EZR: variants seen among roughly 807,000 people sequenced by gnomAD.
EZR encodes cytovillin 2.
A neutral mutation model predicts 74.8 loss-of-function variants in EZR; 40 were observed. The ratio of observed to expected loss-of-function variants is 0.53; its 90% CI spans 0.42 to 0.70. EZR has a LOEUF of 0.70. Ranked by LOEUF, EZR falls within the 30% of genes least tolerant of loss-of-function variation. The pLI, the probability that EZR is intolerant of heterozygous loss-of-function variation, is 0.00. For missense variants in EZR, 678 were observed against 755.8 expected, an observed-to-expected ratio of 0.90 and a Z score of 1.21; for synonymous variants, 341 against 283.3, an observed-to-expected ratio of 1.20 and a Z score of -2.05.
intron 2 of EZR, among the ~76,000 whole-genome samples, chr6:158,812,850 C>G (rs1204757551): frequency 6.6e-6 from 1 of 152,148 alleles, no homozygotes; most frequent in Admixed American, 6.5e-5. Context: ...ACCCTTGGCC[C>G]TGCATATCCA....
chr6:158,819,015 C>G (rs1362262138), intron 1 of EZR, among the ~76,000 whole-genome samples: 3 of 152,180 alleles, frequency 2.0e-5, no homozygotes, highest in South Asian at 4.1e-4. Context: ...AACCGTCAAG[C>G]CTTTGAGAAA....
intron 2 of EZR, among the ~76,000 whole-genome samples, chr6:158,795,770 AC>A (rs1291891797): frequency 1.2e-4 from 19 of 152,078 alleles, no homozygotes; most frequent in Non-Finnish European, 2.1e-4. Context: ...CTTTTCAAAC[AC>A]CCGCAGCCCA....
chr6:158,810,813 A>C lies in EZR; in HGVS notation c.12+7269T>G, dbSNP rs111679465. Among the ~76,000 whole-genome samples, 337 of 152,374 alleles carry C rather than the reference A, an allele frequency of 2.2e-3. 1 individual carries two copies. The highest frequency in any genetic ancestry group is 3.7e-3 in the South Asian group (18 of 4,832). ...AAAAGAAACACATAAAGCTTACAGC[A>C]TCTTAAGATGAGTTGTTTGGATTTC... On this transcript the variant is annotated intron_variant, in intron 2 of 13. Coordinates refer to ENST00000367075, the MANE Select transcript of EZR (RefSeq NM_001111077.2).
Position 158,784,765 on chromosome 6 carries a change from G to A in EZR, c.468-38C>T. On this transcript the variant is annotated intron_variant, in intron 5 of 13. Transcript: ENST00000367075. ...AGGAAACAGCACTGTCATCCTTAAGGAATGTGACAGGCAAGGAAGGAGGCC... is the reference window on the plus strand; with the variant it reads ...AGGAAACAGCACTGTCATCCTTAAGAAATGTGACAGGCAAGGAAGGAGGCC... The A allele has an allele frequency of 3.8e-6, 6 of 1,585,126 alleles. No individual in the cohort carries two copies. The South Asian group carries it at 6.6e-5, about 18-fold the overall frequency.
intron 2 of EZR, among the ~76,000 whole-genome samples, chr6:158,817,848 G>A (rs1404219872): frequency 6.6e-6 from 1 of 152,092 alleles, no homozygotes; most frequent in African/African-American, 2.4e-5. Context: ...TACTGGGGAG[G>A]GGGCTCACAA....
chr6:158,818,274 C>A, intron 1 of EZR, 108 bp from the exon 2 acceptor site: 1 of 490,360 alleles, frequency 2.0e-6, no homozygotes, highest in Non-Finnish European at 3.5e-6. Flanking sequence ...ACCGGCCAGC[C>A]CGGGCCCGGG....
In EZR at chr6:158,817,988, G is replaced by C. The variant is rs915101116; in HGVS notation, c.12+94C>G. On this transcript the variant is annotated intron_variant, in intron 2 of 13. Transcript: ENST00000367075. ...GTCTTCTGCGTGTGAGAAGAACCCT[G>C]TTCCCCAGGAACTGCCCCAACACCT... The C allele has an allele frequency of 2.3e-6, 3 of 1,286,936 alleles. No homozygotes were observed. The African/African-American group carries it at 4.5e-5, about 19-fold the overall frequency. 79.7% of individuals were successfully genotyped at this position (1,286,936 alleles called of 1,614,324 possible). A position where few individuals can be genotyped will look rare whatever the true frequency, so the allele number is the denominator to read the frequency against.
At chr6:158,812,437 CATT>C in intron 2 of EZR, among the ~76,000 whole-genome samples, 1 of 152,152 alleles carries the variant, frequency 6.6e-6, no homozygotes. Context: ...AGATGGAAGT[CATT>C]AGTTCTTCAA....
At chr6:158,791,647 C>T (rs1051411777) in intron 2 of EZR, among the ~76,000 whole-genome samples, 1 of 150,462 alleles carries the variant, frequency 6.6e-6, no homozygotes, top group African/African-American at 2.4e-5. Context: ...CTGAAGGCCA[C>T]TGTCTGGTTA....
chr6:158,819,164 C>CA lies in EZR; in HGVS notation c.-74+152dup, dbSNP rs536547381. Among the ~76,000 whole-genome samples, 194 of 151,692 alleles carry CA rather than the reference C, an allele frequency of 1.3e-3. No homozygotes were observed. The East Asian group carries it at 0.028, about 22-fold the overall frequency. ...GCGGGGCCGCGGGCCGGCTCAGCTC[C>CA]ACCTGCCCCGGGGGTGCCGGGCGAG... is the stretch of plus-strand genomic sequence containing the variant. On this transcript the variant is annotated intron_variant, in intron 1 of 13. Transcript: ENST00000367075.
intron 7 of EZR, among the ~76,000 whole-genome samples, chr6:158,778,713 A>G (rs1198841195): frequency 6.6e-6 from 1 of 152,196 alleles, no homozygotes; most frequent in Non-Finnish European, 1.5e-5. Context: ...CATCTCGAGG[A>G]GCCAGGCAGC....
At chr6:158,785,249 C>G in intron 5 of EZR, 60 bp downstream of exon 5, 1 of 1,592,156 alleles carries the variant, frequency 6.3e-7, no homozygotes, top group Non-Finnish European at 8.6e-7. Context: ...AAGGCAATCA[C>G]TTCTCCCTGC....
chr6:158,799,167 T>C (rs564432123), intron 2 of EZR, among the ~76,000 whole-genome samples: 10 of 152,028 alleles, frequency 6.6e-5, no homozygotes, highest in Non-Finnish European at 1.3e-4. Context: ...AGCTGTACCT[T>C]ATATGCAGCC....
At chr6:158,797,453 C>CA (rs532963767) in intron 2 of EZR, among the ~76,000 whole-genome samples, 126 of 152,236 alleles carry the variant, frequency 8.3e-4, no homozygotes, top group Non-Finnish European at 1.2e-3. Context: ...GCCATTTACT[C>CA]AAAAACCAGT....
At chr6:158,807,555 C>T (rs559888841) in intron 2 of EZR, among the ~76,000 whole-genome samples, 1 of 152,100 alleles carries the variant, frequency 6.6e-6, no homozygotes, top group African/African-American at 2.4e-5. Flanking sequence ...ACTGTCCAAC[C>T]CAAAAGTGAT....
chr6:158,787,027 G>GTTTCT, intron 4 of EZR, 81 bp downstream of exon 4: 2 of 1,120,964 alleles, frequency 1.8e-6, no homozygotes, highest in Non-Finnish European at 2.7e-6. Context: ...ACAAAAGACA[G>GTTTCT]GGTGAGTTGC....
rs1233087263 is a variant in EZR, at chr6:158,766,150, T to G, written c.*764A>C. On this transcript the variant is annotated 3_prime_UTR_variant, in exon 14 of 14. Coordinates refer to ENST00000367075, the MANE Select transcript of EZR (RefSeq NM_001111077.2). ...GAGGGTTTTTCATATGTAATTCTTT[T>G]ATTCTGTAAAAGGTAACAAAATATA... 1 of 152,680 alleles carries G rather than the reference T, an allele frequency of 6.5e-6. No individual in the cohort carries two copies. The highest frequency in any genetic ancestry group is 1.9e-4 in the East Asian group (1 of 5,208). The allele number at this position is 152,680 out of a possible 1,614,324, so 9.5% of individuals were successfully genotyped here. A position where few individuals can be genotyped will look rare whatever the true frequency, so the allele number is the denominator to read the frequency against.
chr6:158,789,461 T>G (rs999022998), intron 2 of EZR, 90 bp from the exon 3 acceptor site: 12 of 1,170,976 alleles, frequency 1.0e-5, no homozygotes, highest in Non-Finnish European at 1.5e-5. Context: ...TGCTCCTCAG[T>G]GTGGCGACGG....
At chr6:158,813,293 C>T (rs185160039) in intron 2 of EZR, among the ~76,000 whole-genome samples, 6 of 152,322 alleles carry the variant, frequency 3.9e-5, no homozygotes, top group Non-Finnish European at 8.8e-5. Context: ...AGCACATACA[C>T]ACTTCATCTA....
Sources: allele counts gnomAD v4.1 joint callset (sites outside exome capture counted in the v4.1 genomes callset), GRCh38; gene constraint gnomAD v4.1.1; transcripts MANE v1.5; gene names NCBI Gene and HGNC (gene_info 2026-07-23, HGNC 2026-07-21).